The following RPAIN variants were observed in gnomAD, a reference collection of about 807,000 sequenced individuals.
RPAIN encodes RPA interacting protein.
Under a neutral mutation model 30.5 loss-of-function variants are expected in RPAIN, and 29 were observed. The observed-to-expected ratio is 0.95, with a 90% CI of 0.71 to 1.30. RPAIN has a LOEUF of 1.30. Ranked by LOEUF, RPAIN falls within the 50% of genes most tolerant of loss-of-function variation. RPAIN has a pLI of 0.00. For missense variants in RPAIN, 247 were observed against 264.7 expected (o/e 0.93, Z 0.46); for synonymous variants, 101 against 93.5 (o/e 1.08, Z -0.46).
chr17:5,420,604 T>C (rs8078914), intron 1 of RPAIN, among the ~76,000 whole-genome samples: 45,188 of 151,372 alleles, frequency 0.3, 7,960 homozygotes, highest in East Asian at 0.82. Flanking sequence ...ACGTTCGTCT[T>C]GTGAGATAGA....
chr17:5,429,028 C>T, intron 6 of RPAIN: 3 of 980,760 alleles, frequency 3.1e-6, no homozygotes, highest in Non-Finnish European at 3.6e-6. Flanking sequence ...TATCAAGTTT[C>T]TTCCATAGGT....
intron 3 of RPAIN, among the ~76,000 whole-genome samples, chr17:5,423,725 C>T (rs1597340779): frequency 1.3e-5 from 2 of 151,996 alleles, no homozygotes; most frequent in East Asian, 3.9e-4. Flanking sequence ...TCATTTATTC[C>T]ATGTAGCCCT....
Position 5,432,703 on chromosome 17 carries a change from A to G in RPAIN, c.*132A>G. On this transcript the variant is annotated 3_prime_UTR_variant, in exon 7 of 7. Transcript: ENST00000381209. The stretch of plus-strand genomic sequence containing the variant: ...TTTTAAACAATACTGAAGAAAAAAA[A>G]ACTTTTCCGACATCTGTTCTTGGTC... 1.0e-6 allele frequency: 1 copy of G among 972,224 alleles called. No individual in the cohort carries two copies. Among genetic ancestry groups the G allele is most frequent in the Non-Finnish European group, 1.5e-6 (1 of 647,824 alleles). The allele number at this position is 972,224 out of a possible 1,614,324, so 60.2% of individuals were successfully genotyped here. A position where few individuals can be genotyped will look rare whatever the true frequency, so the allele number is the denominator to read the frequency against.
chr17:5,430,061 G>A (rs997083754), intron 6 of RPAIN: 27 of 152,508 alleles, frequency 1.8e-4, no homozygotes, highest in Non-Finnish European at 2.0e-4. Context: ...TCAGCTACTC[G>A]GGAGGCTGGG....
intron 6 of RPAIN, chr17:5,429,181 G>T: frequency 1.0e-6 from 1 of 985,400 alleles, no homozygotes; most frequent in Non-Finnish European, 1.2e-6. Flanking sequence ...TACAAGGAGG[G>T]CTTATGGGAG....
chr17:5,432,469 A>T, intron 6 of RPAIN, 73 bp from the exon 7 acceptor site: 1 of 1,400,596 alleles, frequency 7.1e-7, no homozygotes, highest in Non-Finnish European at 1.0e-6. Context: ...ATTCTCATTG[A>T]TTACAACTTT....
chr17:5,425,337 CTCTT>C (rs1269361047), intron 3 of RPAIN: 1 of 453,616 alleles, frequency 2.2e-6, no homozygotes, highest in East Asian at 7.0e-5. Flanking sequence ...AATCAGTTCT[CTCTT>C]TTTTTTTTTT....
chr17:5,421,521 C>T lies in RPAIN; in HGVS notation c.252+55C>T, dbSNP rs1259548729. ...GGGGACTGCACCACCAAGAACGGCT[C>T]GTGTCCTCTTTTATTTGTTTACTTG... On this transcript the variant is annotated intron_variant, in intron 2 of 6. Coordinates refer to ENST00000381209, the MANE Select transcript of RPAIN (RefSeq NM_001033002.4). 1.3e-5 allele frequency: 19 copies of T among 1,519,744 alleles called. No individual in the cohort carries two copies. In the East Asian group the frequency reaches 1.6e-4, roughly 13 times the overall value. 94.1% of individuals were successfully genotyped at this position (1,519,744 alleles called of 1,614,324 possible). A position where few individuals can be genotyped will look rare whatever the true frequency, so the allele number is the denominator to read the frequency against.
chr17:5,428,542 GCAC>G lies in RPAIN; in HGVS notation c.630+335_630+337del, dbSNP rs1480152042. Reference sequence around the variant, plus strand: ...CATAAGACCCAGATAGGCCATGCTGGCACCACTTTTGCGGAAGGAAACAGGGCA... The same window carrying G: ...CATAAGACCCAGATAGGCCATGCTGGCACTTTTGCGGAAGGAAACAGGGCA... On this transcript the variant is annotated intron_variant, in intron 6 of 6. Coordinates refer to ENST00000381209, the MANE Select transcript of RPAIN (RefSeq NM_001033002.4). The G allele has an allele frequency of 3.1e-6, 4 of 1,295,750 alleles. No homozygotes were observed. In the African/African-American group the frequency reaches 6.0e-5, roughly 19 times the overall value. The allele number at this position is 1,295,750 out of a possible 1,614,324, so 80.3% of individuals were successfully genotyped here. A position where few individuals can be genotyped will look rare whatever the true frequency, so the allele number is the denominator to read the frequency against.
chr17:5,432,447 C>G (rs1757126044), intron 6 of RPAIN, 95 bp from the exon 7 acceptor site: 4 of 1,177,644 alleles, frequency 3.4e-6, no homozygotes, highest in African/African-American at 3.0e-5. Context: ...GAGACCTCAT[C>G]TAATGTGTAG....
chr17:5,420,333 C>G, intron 1 of RPAIN, 42 bp downstream of exon 1: 5 of 1,542,170 alleles, frequency 3.2e-6, no homozygotes, highest in Non-Finnish European at 4.5e-6. Flanking sequence ...TAGATCGTCC[C>G]GGTGACCGCC....
chr17:5,429,466 G>A (rs1915704318), intron 6 of RPAIN: 1 of 985,120 alleles, frequency 1.0e-6, no homozygotes, highest in Non-Finnish European at 1.2e-6. Context: ...GAGAAGTGAT[G>A]TAATCTGGCC....
At chr17:5,424,398 T>G (rs953927637) in intron 3 of RPAIN, among the ~76,000 whole-genome samples, 3 of 152,204 alleles carry the variant, frequency 2.0e-5, no homozygotes, top group Non-Finnish European at 2.9e-5. Flanking sequence ...CCCAAAGTGT[T>G]GGGATTACAG....
At chr17:5,432,270 AT>A (rs1461574178) in intron 6 of RPAIN, 15 of 393,408 alleles carry the variant, frequency 3.8e-5, no homozygotes, top group Non-Finnish European at 6.0e-5. Context: ...GATGGTGAGG[AT>A]GTTTGATTAG....
In RPAIN at chr17:5,421,322, C is replaced by T. The variant is rs751600093; in HGVS notation, c.108C>T (p.Ser36=). Residue 36 remains serine (S), a synonymous_variant, in exon 2 of 7, where the codon AGC becomes AGT. Transcript: ENST00000381209. ...RQRCLERMRN[S]RDRLLNRYRQ... ...GATGCCTGGAGAGAATGAGAAACAG[C>T]CGGGACAGGCTCCTAAACAGGTACC... 1 of 1,613,128 alleles carries T rather than the reference C, an allele frequency of 6.2e-7. No individual in the cohort carries two copies. The highest frequency in any genetic ancestry group is 8.5e-7 in the Non-Finnish European group (1 of 1,179,670).
intron 5 of RPAIN, 136 bp from the exon 6 acceptor site, chr17:5,427,935 C>T: frequency 2.5e-6 from 2 of 797,728 alleles, no homozygotes; most frequent in Admixed American, 3.9e-5. Context: ...AGTCATGGGC[C>T]CGAGTGTCTT....
At chr17:5,422,714 G>C in intron 2 of RPAIN, 55 bp from the exon 3 acceptor site, 2 of 1,518,710 alleles carry the variant, frequency 1.3e-6, no homozygotes, top group South Asian at 2.3e-5. Context: ...ATCACTGTGG[G>C]GCTTGGTTGG....
rs1050456 is a variant in RPAIN, at chr17:5,432,868, A to G, written c.*297A>G. The G allele has an allele frequency of 0.25, 254,369 of 1,003,352 alleles. 41,533 individuals carry two copies. The highest frequency in any genetic ancestry group is 0.8 in the East Asian group (29,922 of 37,592). 62.2% of individuals were successfully genotyped at this position (1,003,352 alleles called of 1,614,324 possible). A position where few individuals can be genotyped will look rare whatever the true frequency, so the allele number is the denominator to read the frequency against. The stretch of plus-strand genomic sequence containing the variant: ...CAGAAAAAAATGATAATAAATGAGA[A>G]CACAAAACATATAATTTAAATTTGG... On this transcript the variant is annotated 3_prime_UTR_variant, in exon 7 of 7. Coordinates refer to ENST00000381209, the MANE Select transcript of RPAIN (RefSeq NM_001033002.4).
At chr17:5,428,040 T>C (rs371436987) in intron 5 of RPAIN, 31 bp from the exon 6 acceptor site, 4 of 1,612,032 alleles carry the variant, frequency 2.5e-6, no homozygotes, top group Non-Finnish European at 3.4e-6. Flanking sequence ...ATCAAGTCAC[T>C]GAGAGGAGGT....
Sources: gnomAD v4.1 joint callset for allele counts (sites outside exome capture counted in the v4.1 genomes callset) on GRCh38, gnomAD v4.1.1 for gene constraint, MANE v1.5 for transcripts, NCBI Gene and HGNC (gene_info 2026-07-23, HGNC 2026-07-21) for gene names.